The following DPP6 variants were observed in gnomAD, a reference collection of about 807,000 sequenced individuals.
DPP6 encodes the protein dipeptidyl peptidase like 6, also known as A-type potassium channel modulatory protein DPP6.
A neutral mutation model predicts 122.6 loss-of-function variants in DPP6; 69 were observed. The observed-to-expected ratio is 0.56, with a 90% CI of 0.46 to 0.69. The LOEUF (loss-of-function observed/expected upper bound fraction) is 0.69, where lower values mean the gene tolerates loss of function less well. Ranked by LOEUF, DPP6 falls within the 30% of genes least tolerant of loss-of-function variation. The pLI, the probability that DPP6 is intolerant of heterozygous loss-of-function variation, is 0.00. For synonymous variants in DPP6, 418 were observed against 433.1 expected (o/e 0.97, Z 0.43); for missense variants, 928 against 1,116.9 (o/e 0.83, Z 2.41).
In DPP6 at chr7:154,643,469, T is replaced by C. The variant is rs1190793886; in HGVS notation, c.680+5596T>C. The stretch of plus-strand genomic sequence containing the variant: ...AAAGTCTGTTAAGTGAGTAATTTCT[T>C]TTTTTTTTTTTTTTTTTGAGACAGA... On this transcript the variant is annotated intron_variant, in intron 6 of 25. Coordinates refer to ENST00000377770, the MANE Select transcript of DPP6 (RefSeq NM_130797.4). 2.8e-3 allele frequency among the ~76,000 whole-genome samples: 45 copies of C among 16,150 alleles called. 2 individuals are homozygous for C. The highest frequency in any genetic ancestry group is 6.2e-3 in the South Asian group (2 of 322). The allele number at this position is 16,150 out of a possible 152,430, so 10.6% of individuals were successfully genotyped here.
chr7:154,221,925 A>T (rs192544766), intron 1 of DPP6, among the ~76,000 whole-genome samples: 134 of 152,264 alleles, frequency 8.8e-4, no homozygotes, highest in African/African-American at 3.1e-3. Context: ...TAAATTGAAA[A>T]TTTAATTTAA....
chr7:154,695,053 A>T (rs1840139348), intron 7 of DPP6, among the ~76,000 whole-genome samples: 1 of 152,240 alleles, frequency 6.6e-6, no homozygotes, highest in Admixed American at 6.5e-5. Context: ...TTGTCATTAA[A>T]ATAGACCCCG....
the DPP6 span, among the ~76,000 whole-genome samples, chr7:153,814,814 CAAT>C: frequency 6.6e-6 from 1 of 151,766 alleles, no homozygotes; most frequent in Non-Finnish European, 1.5e-5. Context: ...ATACGCAAAT[CAAT>C]AAATGTAATC....
intron 2 of DPP6, among the ~76,000 whole-genome samples, chr7:154,467,009 G>A (rs2151329219): frequency 6.6e-6 from 1 of 152,286 alleles, no homozygotes; most frequent in African/African-American, 2.4e-5. Flanking sequence ...TGAGAAACTG[G>A]AGAGGTAAAC....
At position 154,076,152 on chromosome 7, in the gene DPP6, T is replaced by A. The variant is rs191751074; in HGVS notation, c.243+23089T>A. Reference sequence around the variant, plus strand: ...AAGAGTAAAACTGGGTTTAAAATATTTTTTTTTAAAAAAAAGGCTGGGCGC... The same window carrying A: ...AAGAGTAAAACTGGGTTTAAAATATATTTTTTTAAAAAAAAGGCTGGGCGC... On this transcript the variant is annotated intron_variant, in intron 1 of 25. Transcript: ENST00000377770. Among the ~76,000 whole-genome samples the A allele has an allele frequency of 3.8e-3, 571 of 151,846 alleles. 1 individual carries two copies. The highest frequency in any genetic ancestry group is 6.8e-3 in the Middle Eastern group (2 of 294).
chr7:154,565,788 G>C (rs141308992), intron 4 of DPP6, among the ~76,000 whole-genome samples: 69 of 152,282 alleles, frequency 4.5e-4, no homozygotes, highest in African/African-American at 1.3e-3. Flanking sequence ...GCCTCCCAAA[G>C]TGCTGGGATT....
intron 3 of DPP6, among the ~76,000 whole-genome samples, chr7:154,500,447 A>C (rs912555863): frequency 6.6e-6 from 1 of 152,200 alleles, no homozygotes; most frequent in Non-Finnish European, 1.5e-5. Flanking sequence ...CTCATTTTGA[A>C]TGGTAATTCC....
chr7:153,810,721 C>T, the DPP6 span, among the ~76,000 whole-genome samples: 6 of 129,960 alleles, frequency 4.6e-5, no homozygotes, highest in Non-Finnish European at 9.7e-5. Context: ...TCTCAGTAAG[C>T]ACCAGGATAC....
chr7:154,269,590 T>G (rs948746860), intron 1 of DPP6, among the ~76,000 whole-genome samples: 41 of 152,194 alleles, frequency 2.7e-4, no homozygotes, highest in African/African-American at 9.7e-4. Flanking sequence ...CTGTCCTGAC[T>G]TTGCTATTAC....
chr7:154,245,838 A>C (rs1282123259), intron 1 of DPP6, among the ~76,000 whole-genome samples: 1 of 151,778 alleles, frequency 6.6e-6, no homozygotes, highest in Admixed American at 6.6e-5. Context: ...AAATTCGCAG[A>C]TATTTGGATA....
At position 154,072,285 on chromosome 7, in the gene DPP6, T is replaced by A. The variant is rs147569370; in HGVS notation, c.243+19222T>A. On this transcript the variant is annotated intron_variant, in intron 1 of 25. Coordinates refer to ENST00000377770, the MANE Select transcript of DPP6 (RefSeq NM_130797.4). ...ATGAGAAAGGCTCTTCTTTGAAGAA[T>A]CAATTGCTTATCCATGGTGTTAGTT... Among the ~76,000 whole-genome samples, 1,074 of 152,344 alleles carry A rather than the reference T, an allele frequency of 7.0e-3. 8 individuals are homozygous for A. Among genetic ancestry groups the A allele is most frequent in the African/African-American group, 0.024 (1,002 of 41,574 alleles).
intron 1 of DPP6, among the ~76,000 whole-genome samples, chr7:154,045,375 T>C (rs1030733858): frequency 1.3e-5 from 2 of 152,222 alleles, no homozygotes; most frequent in African/African-American, 4.8e-5. Flanking sequence ...GTGAAGAAAA[T>C]TGCTCTAGTA....
intron 4 of DPP6, among the ~76,000 whole-genome samples, chr7:154,565,388 C>A (rs1586641018): frequency 6.6e-6 from 1 of 152,164 alleles, no homozygotes; most frequent in South Asian, 2.1e-4. Context: ...TAAAGTATAT[C>A]CCAAGGTGTG....
At chr7:154,631,716 GTTTTTTGTTTGTTTTGT>G (rs1835421416) in intron 5 of DPP6, among the ~76,000 whole-genome samples, 1 of 151,946 alleles carries the variant, frequency 6.6e-6, no homozygotes, top group Non-Finnish European at 1.5e-5. Context: ...ATGGCCAGAG[GTTTTTTGTTTGTTTTGT>G]TTGTTTGTTT....
At chr7:154,314,789 G>A (rs572277360) in intron 1 of DPP6, among the ~76,000 whole-genome samples, 3 of 152,178 alleles carry the variant, frequency 2.0e-5, no homozygotes, top group African/African-American at 7.2e-5. Context: ...TGAGTGAAAC[G>A]TGGGAAATAT....
intron 1 of DPP6, among the ~76,000 whole-genome samples, chr7:154,126,469 A>G (rs1449653576): frequency 6.6e-6 from 1 of 151,630 alleles, no homozygotes; most frequent in Non-Finnish European, 1.5e-5. Flanking sequence ...ATTTGCTAGG[A>G]ACAATTTGGT....
chr7:153,888,059 C>G (rs777264916), intron 1 of DPP6, among the ~76,000 whole-genome samples: 1 of 152,210 alleles, frequency 6.6e-6, no homozygotes, highest in Non-Finnish European at 1.5e-5. Flanking sequence ...GAGCCCCAAG[C>G]AGACCCCCAG....
At chr7:154,088,943 A>C (rs1173749965) in intron 1 of DPP6, among the ~76,000 whole-genome samples, 1 of 152,142 alleles carries the variant, frequency 6.6e-6, no homozygotes, top group African/African-American at 2.4e-5. Flanking sequence ...CTCCGGCTGG[A>C]GTGTCAGGCA....
In DPP6 at chr7:154,478,401, A is replaced by G. The variant is rs144675365; in HGVS notation, c.457+3364A>G. On this transcript the variant is annotated intron_variant, in intron 3 of 25. Transcript: ENST00000377770. Reference sequence around the variant, plus strand: ...GAATTATTACCCACCACCACCATCTATCACCACTACCACCATCACAGTCTC... The same window carrying G: ...GAATTATTACCCACCACCACCATCTGTCACCACTACCACCATCACAGTCTC... Among the ~76,000 whole-genome samples, 52 of 152,192 alleles carry G rather than the reference A, an allele frequency of 3.4e-4. No individual in the cohort carries two copies. In the East Asian group the frequency reaches 9.5e-3, roughly 28 times the overall value.
Sources: allele counts gnomAD v4.1 joint callset (sites outside exome capture counted in the v4.1 genomes callset), GRCh38; gene constraint gnomAD v4.1.1; transcripts MANE v1.5; gene names NCBI Gene and HGNC (gene_info 2026-07-23, HGNC 2026-07-21).